Variants in GRIA4 observed in about 807,000 individuals in gnomAD.
GRIA4 encodes glutamate receptor 4.
Under a neutral mutation model 104.0 loss-of-function variants are expected in GRIA4, and 34 were observed. The ratio of observed to expected loss-of-function variants is 0.33; its 90% CI spans 0.25 to 0.44. The LOEUF is 0.44. GRIA4 is among the 20% of genes least tolerant of loss of function. The probability of loss-of-function intolerance (pLI) is 1.00; values close to 1 mark genes in which losing one functional copy is unlikely to be tolerated. For synonymous variants in GRIA4, 386 were observed against 381.9 expected, an observed-to-expected ratio of 1.01 and a Z score of -0.13; for missense variants, 750 against 1,096.5, an observed-to-expected ratio of 0.68 and a Z score of 4.46.
At chr11:105,826,353 G>A (rs1943771260) in intron 4 of GRIA4, among the ~76,000 whole-genome samples, 1 of 151,986 alleles carries the variant, frequency 6.6e-6, no homozygotes, top group South Asian at 2.1e-4. Context: ...CTGATTACAA[G>A]CCAAATCCAG....
At chr11:105,826,463 T>A (rs920006161) in intron 4 of GRIA4, among the ~76,000 whole-genome samples, 1 of 152,054 alleles carries the variant, frequency 6.6e-6, no homozygotes, top group Non-Finnish European at 1.5e-5. Flanking sequence ...AAAGCTTCCA[T>A]ACAGCAGCCA....
intron 3 of GRIA4, among the ~76,000 whole-genome samples, chr11:105,614,750 C>A (rs941690512): frequency 6.6e-6 from 1 of 151,726 alleles, no homozygotes; most frequent in African/African-American, 2.4e-5. Context: ...ATCCTTAAGG[C>A]AAATCTAAGC....
At chr11:105,978,395 T>C (rs1341988671) in intron 16 of GRIA4, among the ~76,000 whole-genome samples, 1 of 152,076 alleles carries the variant, frequency 6.6e-6, no homozygotes, top group Non-Finnish European at 1.5e-5. Flanking sequence ...TATTAATTTT[T>C]AAGACTGTTT....
chr11:105,700,442 C>G lies in GRIA4; in HGVS notation c.248-52539C>G, dbSNP rs1232656209. 4.6e-5 allele frequency among the ~76,000 whole-genome samples: 7 copies of G among 152,226 alleles called. No homozygotes were observed. In the East Asian group the frequency reaches 1.2e-3, roughly 25 times the overall value. ...ATTAGTAGTTCCAATCCCATGTGGC[C>G]CAATTATTTTCCTCCATATTTAAGC... On this transcript the variant is annotated intron_variant, in intron 3 of 16. Coordinates refer to ENST00000282499, the MANE Select transcript of GRIA4 (RefSeq NM_000829.4).
intron 4 of GRIA4, among the ~76,000 whole-genome samples, chr11:105,856,008 G>A (rs371161528): frequency 1.3e-5 from 2 of 152,122 alleles, no homozygotes; most frequent in African/African-American, 4.8e-5. Context: ...CAGTAGAATA[G>A]ATAGTAGTCT....
chr11:105,846,456 T>C (rs886424160), intron 4 of GRIA4, among the ~76,000 whole-genome samples: 6 of 152,110 alleles, frequency 3.9e-5, no homozygotes, highest in African/African-American at 1.4e-4. Flanking sequence ...GTATACATAA[T>C]ATATTTTGTA....
chr11:105,827,511 C>T (rs1467253642), intron 4 of GRIA4, among the ~76,000 whole-genome samples: 2 of 151,834 alleles, frequency 1.3e-5, no homozygotes, highest in African/African-American at 4.8e-5. Context: ...CAGAGGTTTA[C>T]TAAAATGTTC....
intron 3 of GRIA4, among the ~76,000 whole-genome samples, chr11:105,683,883 CT>C (rs920422086): frequency 8.8e-5 from 13 of 148,118 alleles, no homozygotes; most frequent in South Asian, 2.1e-4. Flanking sequence ...GAAATAAATG[CT>C]TTTTTTTTTG....
chr11:105,646,771 T>C (rs913805057), intron 3 of GRIA4, among the ~76,000 whole-genome samples: 6 of 152,078 alleles, frequency 3.9e-5, no homozygotes, highest in African/African-American at 1.4e-4. Context: ...CCTTTCCTTA[T>C]ACCATATACA....
intron 3 of GRIA4, among the ~76,000 whole-genome samples, chr11:105,697,859 G>A (rs766601938): frequency 7.3e-5 from 11 of 150,396 alleles, no homozygotes; most frequent in Non-Finnish European, 1.6e-4. Flanking sequence ...TGTGCATTTG[G>A]GCCTTTCTCT....
At chr11:105,632,668 G>A (rs1951064959) in intron 3 of GRIA4, among the ~76,000 whole-genome samples, 1 of 152,142 alleles carries the variant, frequency 6.6e-6, no homozygotes, top group Non-Finnish European at 1.5e-5. Flanking sequence ...CAAGCATTGT[G>A]GCTGACTATA....
At chr11:105,619,208 T>C (rs117798701) in intron 3 of GRIA4, among the ~76,000 whole-genome samples, 2,018 of 152,050 alleles carry the variant, frequency 0.013, 28 homozygotes, top group Non-Finnish European at 0.024. Context: ...TGAGTTTGAA[T>C]TGGCAGCCTG....
Position 105,720,118 on chromosome 11 carries a change from A to T in GRIA4, c.248-32863A>T, listed in dbSNP as rs1591135467. 2.8e-5 allele frequency among the ~76,000 whole-genome samples: 4 copies of T among 144,892 alleles called. No individual in the cohort carries two copies. The South Asian group carries it at 8.7e-4, about 32-fold the overall frequency. On this transcript the variant is annotated intron_variant, in intron 3 of 16. Transcript: ENST00000282499. ...TGCCAACTTTGATCTCTAAACCAGT[A>T]TTTTTTTTTTTTAGCCAAAAGTACT...
At chr11:105,854,470 G>A (rs534218513) in intron 4 of GRIA4, among the ~76,000 whole-genome samples, 4 of 152,140 alleles carry the variant, frequency 2.6e-5, no homozygotes, top group Admixed American at 6.6e-5. Context: ...GTATAAAGGA[G>A]CAATTGGAGA....
At chr11:105,734,066 T>C (rs976475160) in intron 3 of GRIA4, among the ~76,000 whole-genome samples, 35 of 147,358 alleles carry the variant, frequency 2.4e-4, no homozygotes, top group African/African-American at 8.1e-4. Context: ...ATATTATATA[T>C]AATATATATA....
intron 1 of GRIA4, 51 bp from the exon 2 acceptor site, chr11:105,610,852 CTTTCT>C: frequency 9.2e-6 from 5 of 543,746 alleles, no homozygotes; most frequent in Non-Finnish European, 1.3e-5. Context: ...CCTTTTTTTT[CTTTCT>C]TTTCTTTCTT....
chr11:105,720,085 T>G (rs1937686016), intron 3 of GRIA4, among the ~76,000 whole-genome samples: 1 of 151,878 alleles, frequency 6.6e-6, no homozygotes, highest in Non-Finnish European at 1.5e-5. Flanking sequence ...GGTAAAAATG[T>G]GTCAATATGC....
At chr11:105,884,985 G>C (rs539103608) in intron 5 of GRIA4, among the ~76,000 whole-genome samples, 1 of 144,784 alleles carries the variant, frequency 6.9e-6, no homozygotes, top group East Asian at 2.0e-4. Flanking sequence ...GTGCGGACAG[G>C]GGCTTAGAGA....
chr11:105,732,923 G>T (rs1938691787), intron 3 of GRIA4, among the ~76,000 whole-genome samples: 1 of 152,146 alleles, frequency 6.6e-6, no homozygotes, highest in Middle Eastern at 3.2e-3. Flanking sequence ...TAATCGCATA[G>T]CACTTTGCAG....
Sources: gnomAD v4.1 joint callset for allele counts (sites outside exome capture counted in the v4.1 genomes callset) on GRCh38, gnomAD v4.1.1 for gene constraint, MANE v1.5 for transcripts, NCBI Gene and HGNC (gene_info 2026-07-23, HGNC 2026-07-21) for gene names.